Variants in UGT1A7 observed in about 807,000 individuals in gnomAD.
The protein encoded by UGT1A7 is UDP-glucuronosyltransferase 1A7.
Under a neutral mutation model 45.6 loss-of-function variants are expected in UGT1A7, and 33 were observed. That is an observed-to-expected ratio of 0.72 (90% confidence interval 0.55 to 0.97). The LOEUF (loss-of-function observed/expected upper bound fraction) is 0.97, where lower values mean the gene tolerates loss of function less well. UGT1A7 is among the 50% of genes least tolerant of loss of function. The pLI is 0.00. For missense variants in UGT1A7, 684 were observed against 666.2 expected, an observed-to-expected ratio of 1.03 and a Z score of -0.29; for synonymous variants, 274 against 250.6, an observed-to-expected ratio of 1.09 and a Z score of -0.88.
chr2:233,727,112 T>C (rs2077583232), intron 1 of UGT1A7, among the ~76,000 whole-genome samples: 1 of 152,214 alleles, frequency 6.6e-6, no homozygotes, highest in African/African-American at 2.4e-5. Context: ...TGTTTAGGTC[T>C]GTGAGATTGG....
At chr2:233,721,128 G>C (rs920776515) in intron 1 of UGT1A7, among the ~76,000 whole-genome samples, 1 of 152,006 alleles carries the variant, frequency 6.6e-6, no homozygotes, top group Non-Finnish European at 1.5e-5. Context: ...CTTTTTATTA[G>C]TGTAGGTATT....
intron 1 of UGT1A7, chr2:233,747,431 A>C (rs184446696): frequency 1.0e-4 from 161 of 1,608,566 alleles, no homozygotes; most frequent in Middle Eastern, 1.7e-4. Flanking sequence ...AACAAGAGAA[A>C]TTTTTCACCC....
At position 233,705,257 on chromosome 2, in the gene UGT1A7, T is replaced by TG. The variant is rs748102804; in HGVS notation, c.855+22469dup. Among the ~76,000 whole-genome samples the TG allele has an allele frequency of 1.7e-4, 26 of 152,354 alleles. No homozygotes were observed. The South Asian group carries it at 5.0e-3, about 29-fold the overall frequency. ...TTCTGTATGAATTCAGATTATTCTA[T>TG]GGGGTCACTTGCTTTCAACCTGAAG... On this transcript the variant is annotated intron_variant, in intron 1 of 4. Coordinates refer to ENST00000373426, the MANE Select transcript of UGT1A7 (RefSeq NM_019077.3).
chr2:233,691,258 A>G (rs779837737), intron 1 of UGT1A7: 26 of 985,570 alleles, frequency 2.6e-5, no homozygotes, highest in Non-Finnish European at 3.0e-5. Flanking sequence ...TCAAAGCAAG[A>G]TGCTGCCGCC....
intron 1 of UGT1A7, among the ~76,000 whole-genome samples, chr2:233,746,427 A>G (rs1283364507): frequency 1.3e-5 from 2 of 151,688 alleles, no homozygotes; most frequent in African/African-American, 4.9e-5. Flanking sequence ...CTATTAACTT[A>G]TGTCTTCAGC....
chr2:233,697,517 A>T (rs1481615958), intron 1 of UGT1A7, among the ~76,000 whole-genome samples: 185 of 146,308 alleles, frequency 1.3e-3, no homozygotes, highest in African/African-American at 3.5e-3. Context: ...TTTTTTTTTA[A>T]AAAACTTTTT....
At chr2:233,740,949 T>G (rs1205876096) in intron 1 of UGT1A7, 9 of 151,554 alleles carry the variant, frequency 5.9e-5, no homozygotes, top group Non-Finnish European at 1.0e-4. Context: ...ATTAGCTAGG[T>G]GTGGTAGCAT....
intron 1 of UGT1A7, chr2:233,748,079 G>C: frequency 6.2e-7 from 1 of 1,613,192 alleles, no homozygotes; most frequent in Non-Finnish European, 8.5e-7. Context: ...CACTATCTCA[G>C]GTCGGTGTTC....
chr2:233,744,040 C>T (rs1692664957), intron 1 of UGT1A7: 2 of 766,390 alleles, frequency 2.6e-6, no homozygotes, highest in South Asian at 1.7e-5. Context: ...TATGACGCAG[C>T]CACATCTCAT....
intron 1 of UGT1A7, chr2:233,755,289 T>C (rs1695843329): frequency 6.1e-6 from 4 of 651,342 alleles, no homozygotes; most frequent in Non-Finnish European, 9.5e-6. Context: ...CCAAAGAGCC[T>C]GCGGGGCACT....
intron 1 of UGT1A7, chr2:233,753,144 A>G (rs1203903017): frequency 6.6e-6 from 1 of 152,210 alleles, no homozygotes; most frequent in Non-Finnish European, 1.5e-5. Context: ...ATCTTCACAC[A>G]TGTAAGTTCC....
intron 1 of UGT1A7, among the ~76,000 whole-genome samples, chr2:233,733,240 C>T (rs912669842): frequency 1.8e-4 from 28 of 152,276 alleles, no homozygotes; most frequent in Admixed American, 1.5e-3. Flanking sequence ...AATATACAAT[C>T]ATGTCATCTG....
chr2:233,718,389 G>C (rs2125660033), intron 1 of UGT1A7, among the ~76,000 whole-genome samples: 1 of 152,356 alleles, frequency 6.6e-6, no homozygotes, highest in South Asian at 2.1e-4. Flanking sequence ...AGTTTCAAGG[G>C]TTAGCAAATA....
chr2:233,742,713 C>A (rs546122146), intron 1 of UGT1A7: 1 of 152,522 alleles, frequency 6.6e-6, no homozygotes. Flanking sequence ...CCGATTTCAG[C>A]TCAGTGATAT....
chr2:233,732,474 A>C (rs866244589), intron 1 of UGT1A7, among the ~76,000 whole-genome samples: 34 of 152,356 alleles, frequency 2.2e-4, no homozygotes, highest in African/African-American at 6.3e-4. Flanking sequence ...TCCATCTGGA[A>C]TTAATTTTTG....
At chr2:233,700,498 G>C (rs954320934) in intron 1 of UGT1A7, among the ~76,000 whole-genome samples, 1 of 152,108 alleles carries the variant, frequency 6.6e-6, no homozygotes, top group Non-Finnish European at 1.5e-5. Flanking sequence ...TAAAAGCCTA[G>C]AAACTTGACT....
chr2:233,697,078 T>C (rs1342643335), intron 1 of UGT1A7, among the ~76,000 whole-genome samples: 2 of 152,118 alleles, frequency 1.3e-5, no homozygotes, highest in African/African-American at 4.8e-5. Flanking sequence ...GGTATCAGGG[T>C]AACACTGGTC....
rs754634228 is a variant in UGT1A7, at chr2:233,718,864, G to T, written c.855+36072G>T. On this transcript the variant is annotated intron_variant, in intron 1 of 4. Coordinates refer to ENST00000373426, the MANE Select transcript of UGT1A7 (RefSeq NM_019077.3). ...GTTCCCCTGCCGCGGCTGGCCACAG[G>T]ACTGCTGCTCCTCCTCAGTGTCCAG... 1 of 1,613,858 alleles carries T rather than the reference G, an allele frequency of 6.2e-7. No homozygotes were observed. The highest frequency in any genetic ancestry group is 2.2e-5 in the East Asian group (1 of 44,890).
chr2:233,768,582 CTTTTTTTT>C (rs139595073), intron 4 of UGT1A7, 143 bp downstream of exon 4: 33 of 1,033,056 alleles, frequency 3.2e-5, no homozygotes, highest in Middle Eastern at 4.0e-4. Context: ...TTTATTTCTT[CTTTTTTTT>C]TTTTTTTTTT....
Sources: allele counts gnomAD v4.1 joint callset (sites outside exome capture counted in the v4.1 genomes callset), GRCh38; gene constraint gnomAD v4.1.1; transcripts MANE v1.5; gene names NCBI Gene and HGNC (gene_info 2026-07-23, HGNC 2026-07-21).